The following SLC16A10 variants were observed in gnomAD, a reference collection of about 807,000 sequenced individuals.
SLC16A10 encodes the protein monocarboxylate transporter 10.
SLC16A10 carries 27 observed loss-of-function variants against 40.0 expected under a neutral mutation model. That is an observed-to-expected ratio of 0.67 (90% confidence interval 0.50 to 0.93). The LOEUF is 0.93. SLC16A10 is among the 40% of genes least tolerant of loss of function. The pLI is 0.00. For missense variants in SLC16A10, 529 were observed against 658.2 expected, an observed-to-expected ratio of 0.80 and a Z score of 2.15; for synonymous variants, 213 against 249.8, an observed-to-expected ratio of 0.85 and a Z score of 1.39.
At position 111,222,409 on chromosome 6, in the gene SLC16A10, T is replaced by A; in HGVS notation, c.*174T>A. 5.5e-6 allele frequency: 4 copies of A among 729,508 alleles called. No homozygotes were observed. Among genetic ancestry groups the A allele is most frequent in the Non-Finnish European group, 8.1e-6 (4 of 491,944 alleles). 45.2% of individuals were successfully genotyped at this position (729,508 alleles called of 1,614,324 possible). A position where few individuals can be genotyped will look rare whatever the true frequency, so the allele number is the denominator to read the frequency against. ...GAACCATTTTCTGCCACTAAATATC[T>A]CTGATGTTTCCATGAGTCTGAGGGC... On this transcript the variant is annotated 3_prime_UTR_variant, in exon 6 of 6. Coordinates refer to ENST00000368851, the MANE Select transcript of SLC16A10 (RefSeq NM_018593.5).
At chr6:111,196,297 C>T (rs1773079116) in intron 3 of SLC16A10, among the ~76,000 whole-genome samples, 1 of 152,086 alleles carries the variant, frequency 6.6e-6, no homozygotes, top group African/African-American at 2.4e-5. Flanking sequence ...AAGATCCCAC[C>T]ACTGCACTGC....
At position 111,087,824 on chromosome 6, in the gene SLC16A10, C is replaced by T; in HGVS notation, c.72C>T (p.Pro24=). The T allele has an allele frequency of 7.4e-7, 1 of 1,347,032 alleles. No individual in the cohort carries two copies. The highest frequency in any genetic ancestry group is 2.1e-5 in the South Asian group (1 of 46,572). 83.4% of individuals were successfully genotyped at this position (1,347,032 alleles called of 1,614,324 possible). A position where few individuals can be genotyped will look rare whatever the true frequency, so the allele number is the denominator to read the frequency against. The stretch of plus-strand genomic sequence containing the variant: ...AGGCGCAGCCGCTCGGCCCCGCGCC[C>T]ACGGGGGCCGCTCCGCCGCCCGGCC... ...TSEAQPLGPA[P]TGAAPPPGPG... Residue 24 remains proline (P), a synonymous_variant, in exon 1 of 6, where the codon CCC becomes CCT. Coordinates refer to ENST00000368851, the MANE Select transcript of SLC16A10 (RefSeq NM_018593.5).
At chr6:111,172,622 T>G in intron 1 of SLC16A10, 73 bp from the exon 2 acceptor site, 2 of 1,553,164 alleles carry the variant, frequency 1.3e-6, no homozygotes, top group Non-Finnish European at 1.7e-6. Context: ...TAAATGTGTA[T>G]TATATCAATG....
At chr6:111,139,371 G>T (rs752024523) in intron 1 of SLC16A10, among the ~76,000 whole-genome samples, 1 of 151,628 alleles carries the variant, frequency 6.6e-6, no homozygotes, top group Non-Finnish European at 1.5e-5. Flanking sequence ...GCGTGATCTC[G>T]GCTCACTGCA....
chr6:111,124,424 T>C (rs1436567890), intron 1 of SLC16A10, among the ~76,000 whole-genome samples: 1 of 151,808 alleles, frequency 6.6e-6, no homozygotes, highest in Non-Finnish European at 1.5e-5. Flanking sequence ...GGTGCAATCA[T>C]GGCCACGGCT....
intron 1 of SLC16A10, among the ~76,000 whole-genome samples, chr6:111,128,314 A>T (rs957836976): frequency 2.0e-5 from 3 of 152,208 alleles, no homozygotes; most frequent in Non-Finnish European, 4.4e-5. Context: ...AATGAGGCAC[A>T]GAGTGGTTAA....
chr6:111,120,814 G>A (rs932982429), intron 1 of SLC16A10, among the ~76,000 whole-genome samples: 1 of 152,146 alleles, frequency 6.6e-6, no homozygotes, highest in African/African-American at 2.4e-5. Context: ...GGAGTGCTTA[G>A]TGTGTGTTTG....
At chr6:111,092,934 G>T (rs1332163237) in intron 1 of SLC16A10, among the ~76,000 whole-genome samples, 1 of 151,658 alleles carries the variant, frequency 6.6e-6, no homozygotes. Context: ...CCAGCTATTC[G>T]GGAGGCTGAG....
At position 111,177,304 on chromosome 6, in the gene SLC16A10, A is replaced by G. The variant is rs771252451; in HGVS notation, c.581A>G (p.Tyr194Cys). ...CCTTCATTGGTCATTTTGGGACACT[A>G]TTTCAAGAAGCGCCTTGGACTGGTG... ...YQPSLVILGHYFKKRLGLVNG... is the reference protein window; with the variant it reads ...YQPSLVILGHCFKKRLGLVNG... The change falls in exon 3 of 6, where the codon TAT becomes TGT. Residue 194 changes from tyrosine (Y) to cysteine (C), a missense_variant. Tyr to Cys is a radical substitution (Grantham distance 194). Transcript: ENST00000368851. 7.4e-6 allele frequency: 12 copies of G among 1,612,254 alleles called. No individual in the cohort carries two copies. The highest frequency in any genetic ancestry group is 3.3e-5 in the South Asian group (3 of 90,862).
chr6:111,136,078 C>T (rs1038741457), intron 1 of SLC16A10, among the ~76,000 whole-genome samples: 3 of 152,168 alleles, frequency 2.0e-5, no homozygotes, highest in Non-Finnish European at 2.9e-5. Flanking sequence ...TTCCCAAGTA[C>T]GGCAAAATAG....
At position 111,223,272 on chromosome 6, in the gene SLC16A10, C is replaced by T. The variant is rs1770936292; in HGVS notation, c.*1037C>T. The T allele has an allele frequency of 6.6e-6, 1 of 152,016 alleles. No individual in the cohort carries two copies. Among genetic ancestry groups the T allele is most frequent in the East Asian group, 1.9e-4 (1 of 5,196 alleles). The allele number at this position is 152,016 out of a possible 1,614,324, so 9.4% of individuals were successfully genotyped here. The stretch of plus-strand genomic sequence containing the variant: ...GGTTAAAAGCACTTATAAAAAGAAC[C>T]AAGTCCTACATTTCCAGAACTTTCT... On this transcript the variant is annotated 3_prime_UTR_variant, in exon 6 of 6. Coordinates refer to ENST00000368851, the MANE Select transcript of SLC16A10 (RefSeq NM_018593.5).
chr6:111,175,304 G>A (rs542840504), intron 2 of SLC16A10, among the ~76,000 whole-genome samples: 1 of 152,290 alleles, frequency 6.6e-6, no homozygotes, highest in South Asian at 2.1e-4. Flanking sequence ...GAAGTGAAAA[G>A]GGTTCAGCAG....
At chr6:111,183,957 A>G (rs1772849485) in intron 3 of SLC16A10, among the ~76,000 whole-genome samples, 1 of 148,628 alleles carries the variant, frequency 6.7e-6, no homozygotes, top group South Asian at 2.1e-4. Flanking sequence ...GAGATAACTG[A>G]TAAATGCCAA....
chr6:111,092,738 C>A (rs1365030454), intron 1 of SLC16A10, among the ~76,000 whole-genome samples: 1 of 151,748 alleles, frequency 6.6e-6, no homozygotes, highest in East Asian at 1.9e-4. Context: ...CATTGTTTTT[C>A]TTTAGAAAGT....
At chr6:111,108,425 C>T (rs1304195045) in intron 1 of SLC16A10, among the ~76,000 whole-genome samples, 1 of 152,154 alleles carries the variant, frequency 6.6e-6, no homozygotes, top group Admixed American at 6.5e-5. Context: ...GTAAAAAGGA[C>T]TGCATTGACA....
intron 1 of SLC16A10, among the ~76,000 whole-genome samples, chr6:111,140,463 CAA>C (rs1256587762): frequency 7.2e-6 from 1 of 139,324 alleles, no homozygotes; most frequent in Non-Finnish European, 1.6e-5. Flanking sequence ...ACCCTGTCTC[CAA>C]AAAAAAAAAG....
Position 111,087,812 on chromosome 6 carries a change from C to A in SLC16A10, c.60C>A (p.Leu20=). 1.5e-6 allele frequency: 2 copies of A among 1,293,168 alleles called. No individual in the cohort carries two copies. The highest frequency in any genetic ancestry group is 5.8e-5 in the South Asian group (2 of 34,716). 80.1% of individuals were successfully genotyped at this position (1,293,168 alleles called of 1,614,324 possible). The change falls in exon 1 of 6, where the codon CTC becomes CTA. Residue 20 remains leucine, a synonymous_variant. Coordinates refer to ENST00000368851, the MANE Select transcript of SLC16A10 (RefSeq NM_018593.5). The part of the protein sequence containing the change: ...SARGTSEAQP[L]GPAPTGAAPP... ...GGGGCACGAGCGAGGCGCAGCCGCTCGGCCCCGCGCCCACGGGGGCCGCTC... is the reference window on the plus strand; with the variant it reads ...GGGGCACGAGCGAGGCGCAGCCGCTAGGCCCCGCGCCCACGGGGGCCGCTC...
At chr6:111,145,628 T>G (rs981374064) in intron 1 of SLC16A10, among the ~76,000 whole-genome samples, 1 of 151,932 alleles carries the variant, frequency 6.6e-6, no homozygotes, top group Non-Finnish European at 1.5e-5. Context: ...ACAAGAAGAT[T>G]ACTTGAGGCT....
chr6:111,145,536 A>C (rs540200847), intron 1 of SLC16A10, among the ~76,000 whole-genome samples: 36 of 152,358 alleles, frequency 2.4e-4, no homozygotes, highest in Middle Eastern at 3.4e-3. Flanking sequence ...AGCCACAGGA[A>C]AAAGAATGAA....
Sources: gnomAD v4.1 joint callset for allele counts (sites outside exome capture counted in the v4.1 genomes callset) on GRCh38, gnomAD v4.1.1 for gene constraint, MANE v1.5 for transcripts, NCBI Gene and HGNC (gene_info 2026-07-23, HGNC 2026-07-21) for gene names.